The following EYS variants were observed in gnomAD, a reference collection of about 807,000 sequenced individuals.
EYS encodes EGF-like photoreceptor maintenance factor.
In EYS, 250 loss-of-function variants were observed where a neutral mutation model predicts 282.1. That is an observed-to-expected ratio of 0.89 (90% confidence interval 0.80 to 0.98). The LOEUF (loss-of-function observed/expected upper bound fraction) is 0.98, where lower values mean the gene tolerates loss of function less well. EYS is among the 50% of genes least tolerant of loss of function. The pLI is 0.00. For missense variants in EYS, 4,016 were observed against 3,709.0 expected (o/e 1.08, Z -2.15); for synonymous variants, 1,355 against 1,282.9 (o/e 1.06, Z -1.20).
intron 5 of EYS, among the ~76,000 whole-genome samples, chr6:65,445,170 T>C (rs1768605323): frequency 6.6e-6 from 1 of 151,902 alleles, no homozygotes; most frequent in African/African-American, 2.4e-5. Context: ...GTTATTTAAG[T>C]GTTCCTAGTA....
intron 41 of EYS, among the ~76,000 whole-genome samples, chr6:63,727,737 A>AAAAAAATATATATATATATATAT (rs1554164607): frequency 2.7e-5 from 1 of 36,724 alleles, no homozygotes; most frequent in Non-Finnish European, 4.3e-5. Flanking sequence ...AAAAAAAAAA[A>AAAAAAATATATATATATATATAT]ATATATATAT....
chr6:63,837,961 A>C (rs1213888850), intron 36 of EYS, among the ~76,000 whole-genome samples: 1 of 152,160 alleles, frequency 6.6e-6, no homozygotes, highest in Non-Finnish European at 1.5e-5. Context: ...TTGGATGATG[A>C]ATTTAATTAC....
intron 12 of EYS, among the ~76,000 whole-genome samples, chr6:65,276,332 T>C (rs761530976): frequency 3.9e-5 from 6 of 152,080 alleles, no homozygotes; most frequent in Non-Finnish European, 7.4e-5. Flanking sequence ...TAAAAAATTA[T>C]TGCTTTTTGT....
intron 14 of EYS, among the ~76,000 whole-genome samples, chr6:64,989,789 T>C (rs1770999930): frequency 1.0e-5 from 1 of 97,492 alleles, no homozygotes. Flanking sequence ...TAACATAGAA[T>C]ATATATTCAT....
intron 1 of EYS, among the ~76,000 whole-genome samples, chr6:65,648,314 A>ATGTGTGTGTGTGTGTGTGTGTG (rs58196369): frequency 6.8e-6 from 1 of 147,792 alleles, no homozygotes. Flanking sequence ...AAGAAAATAT[A>ATGTGTGTGTGTGTGTGTGTGTG]TGTGTGTGTG....
At chr6:65,490,783 T>C (rs1766014457) in intron 4 of EYS, 76 bp from the exon 5 acceptor site, 2 of 781,896 alleles carry the variant, frequency 2.6e-6, no homozygotes, top group South Asian at 1.5e-5. Flanking sequence ...AATTCTTTAA[T>C]AATGAAAATA....
chr6:64,909,000 A>G (rs1182968984), intron 16 of EYS, among the ~76,000 whole-genome samples: 1 of 152,092 alleles, frequency 6.6e-6, no homozygotes, highest in African/African-American at 2.4e-5. Flanking sequence ...GTGATGTTTC[A>G]CCGGGTACCC....
intron 15 of EYS, among the ~76,000 whole-genome samples, chr6:64,922,584 G>C (rs189375545): frequency 1.5e-3 from 227 of 152,234 alleles, no homozygotes; most frequent in African/African-American, 5.2e-3. Flanking sequence ...TAAAATGAGA[G>C]GAATCCCAAT....
At chr6:64,415,544 C>T (rs1398961587) in intron 28 of EYS, among the ~76,000 whole-genome samples, 1 of 152,098 alleles carries the variant, frequency 6.6e-6, no homozygotes, top group Admixed American at 6.6e-5. Context: ...TATCACATTG[C>T]TCTTGGATGT....
In EYS at chr6:64,912,487, C is replaced by A. The variant is rs2150076741; in HGVS notation, c.2638G>T (p.Glu880Ter). 1 of 1,550,772 alleles carries A rather than the reference C, an allele frequency of 6.4e-7. No individual in the cohort carries two copies. Among genetic ancestry groups the A allele is most frequent in the African/African-American group, 1.4e-5 (1 of 73,130 alleles). ...VDANQHCICR[E>*]EFEGKNCEID... ...TAAAATCCATATTAGCTCTTACCTT[C>A]TCTACAAATACAATGCTGATTTGCG... Residue 880 changes from glutamate to a stop codon, truncating the protein, a stop_gained, in exon 16 of 43, where the codon GAA becomes TAA. Coordinates refer to ENST00000503581, the MANE Select transcript of EYS (RefSeq NM_001142800.2). LOFTEE classifies it high-confidence loss of function.
At chr6:64,540,318 T>C (rs1008954924) in intron 26 of EYS, among the ~76,000 whole-genome samples, 7 of 152,104 alleles carry the variant, frequency 4.6e-5, no homozygotes, top group African/African-American at 1.7e-4. Context: ...ACCTTCACAC[T>C]GCCAATCTCA....
At chr6:64,202,031 G>A (rs1317558301) in intron 31 of EYS, among the ~76,000 whole-genome samples, 1 of 152,092 alleles carries the variant, frequency 6.6e-6, no homozygotes, top group African/African-American at 2.4e-5. Flanking sequence ...AAAGCTCTGA[G>A]TGAGACAAAC....
At chr6:65,139,149 C>A (rs1392827747) in intron 12 of EYS, among the ~76,000 whole-genome samples, 2 of 151,984 alleles carry the variant, frequency 1.3e-5, no homozygotes, top group East Asian at 3.9e-4. Flanking sequence ...CATCGCAGCA[C>A]TATTCACAAT....
intron 31 of EYS, among the ~76,000 whole-genome samples, chr6:64,200,773 T>A (rs1280346571): frequency 6.6e-6 from 1 of 152,084 alleles, no homozygotes; most frequent in African/African-American, 2.4e-5. Flanking sequence ...GTATTGATAA[T>A]TTGTATTATT....
chr6:64,194,843 T>C (rs1438370659), intron 31 of EYS, among the ~76,000 whole-genome samples: 1 of 152,134 alleles, frequency 6.6e-6, no homozygotes, highest in Admixed American at 6.6e-5. Context: ...AATTTCATAA[T>C]ATAATTGTAT....
intron 22 of EYS, among the ~76,000 whole-genome samples, chr6:64,804,478 T>C (rs1480976961): frequency 6.6e-6 from 1 of 152,192 alleles, no homozygotes; most frequent in African/African-American, 2.4e-5. Flanking sequence ...CTGGTAATTA[T>C]GCCAAACAAA....
intron 12 of EYS, among the ~76,000 whole-genome samples, chr6:65,097,922 A>G (rs1774785854): frequency 6.6e-6 from 1 of 150,868 alleles, no homozygotes; most frequent in South Asian, 2.1e-4. Context: ...AATCTGCTGT[A>G]CTACATTGTG....
At position 65,254,925 on chromosome 6, in the gene EYS, C is replaced by T. The variant is rs1767420120; in HGVS notation, c.2023+40938G>A. On this transcript the variant is annotated intron_variant, in intron 12 of 42. Transcript: ENST00000503581. Reference sequence around the variant, plus strand: ...TACACATTTTTAAATAAACCATGCTCATAATGTTCAAACATATCACTTGAA... The same window carrying T: ...TACACATTTTTAAATAAACCATGCTTATAATGTTCAAACATATCACTTGAA... Among the ~76,000 whole-genome samples the T allele has an allele frequency of 1.3e-5, 2 of 151,902 alleles. 1 individual carries two copies. The highest frequency in any genetic ancestry group is 2.9e-5 in the Non-Finnish European group (2 of 67,828).
intron 22 of EYS, among the ~76,000 whole-genome samples, chr6:64,674,171 T>C (rs1331903309): frequency 6.6e-6 from 1 of 152,096 alleles, no homozygotes; most frequent in Non-Finnish European, 1.5e-5. Context: ...ATAGATCTTA[T>C]CATAAATTTA....
Sources: gnomAD v4.1 joint callset for allele counts (sites outside exome capture counted in the v4.1 genomes callset) on GRCh38, gnomAD v4.1.1 for gene constraint, MANE v1.5 for transcripts, NCBI Gene and HGNC (gene_info 2026-07-23, HGNC 2026-07-21) for gene names.